Variants in TENM3 observed in about 807,000 individuals in gnomAD.
TENM3 encodes the protein teneurin-3.
A neutral mutation model predicts 255.1 loss-of-function variants in TENM3; 63 were observed. That is an observed-to-expected ratio of 0.25 (90% CI 0.20 to 0.30). The LOEUF (loss-of-function observed/expected upper bound fraction) is 0.30. Among genes scored for constraint, TENM3 ranks in the 10% least tolerant of loss-of-function variants. The pLI, the probability that TENM3 is intolerant of heterozygous loss-of-function variation, is 1.00. For missense variants in TENM3, 2,929 were observed against 3,461.1 expected (o/e 0.85, Z 3.86); for synonymous variants, 1,306 against 1,322.3 (o/e 0.99, Z 0.27).
At chr4:181,978,723 G>C in the TENM3 span, among the ~76,000 whole-genome samples, 2 of 151,246 alleles carry the variant, frequency 1.3e-5, no homozygotes, top group Admixed American at 1.3e-4. Context: ...TTCTGTTCAG[G>C]AGGAAAGAAA....
intron 1 of TENM3, among the ~76,000 whole-genome samples, chr4:182,208,072 T>C (rs912257173): frequency 6.6e-6 from 1 of 152,196 alleles, no homozygotes; most frequent in Non-Finnish European, 1.5e-5. Flanking sequence ...TCCCTTTCTG[T>C]TGTAGATATT....
At chr4:182,465,594 A>G (rs1047031622) in intron 3 of TENM3, among the ~76,000 whole-genome samples, 1 of 152,068 alleles carries the variant, frequency 6.6e-6, no homozygotes, top group African/African-American at 2.4e-5. Context: ...TAAATAAATG[A>G]TTTTACCAAA....
At chr4:182,086,116 G>T in the TENM3 span, among the ~76,000 whole-genome samples, 1 of 152,090 alleles carries the variant, frequency 6.6e-6, no homozygotes, top group Non-Finnish European at 1.5e-5. Context: ...GGGACTATTT[G>T]GATGTCAATA....
At chr4:181,671,362 C>T in the TENM3 span, among the ~76,000 whole-genome samples, 11 of 152,180 alleles carry the variant, frequency 7.2e-5, no homozygotes, top group African/African-American at 2.2e-4. Flanking sequence ...TATTTACTGT[C>T]GCAGAGTACT....
chr4:182,462,085 C>G (rs1732062190), intron 3 of TENM3, among the ~76,000 whole-genome samples: 1 of 144,586 alleles, frequency 6.9e-6, no homozygotes, highest in African/African-American at 2.6e-5. Context: ...TTTTTTTTTC[C>G]AAATTGAGAC....
At chr4:182,620,092 C>T (rs946929948) in intron 4 of TENM3, among the ~76,000 whole-genome samples, 4 of 152,100 alleles carry the variant, frequency 2.6e-5, no homozygotes, top group Non-Finnish European at 5.9e-5. Flanking sequence ...GAATTTTTTA[C>T]GTGTGAGAAG....
the TENM3 span, among the ~76,000 whole-genome samples, chr4:182,015,715 C>T: frequency 6.6e-6 from 1 of 152,014 alleles, no homozygotes; most frequent in Admixed American, 6.6e-5. Flanking sequence ...CATGCACCAC[C>T]ACACCCAGCT....
chr4:181,483,555 T>C, the TENM3 span, among the ~76,000 whole-genome samples: 1 of 152,214 alleles, frequency 6.6e-6, no homozygotes, highest in African/African-American at 2.4e-5. Context: ...GATTTTTTAA[T>C]GACTGATTTA....
At chr4:182,730,731 A>T (rs1760626320) in intron 15 of TENM3, 147 bp from the exon 16 acceptor site, 1 of 935,108 alleles carries the variant, frequency 1.1e-6, no homozygotes, top group African/African-American at 1.7e-5. Flanking sequence ...TAACTCTTGG[A>T]ATATTCCCAT....
chr4:181,854,775 T>C, the TENM3 span, among the ~76,000 whole-genome samples: 1 of 152,220 alleles, frequency 6.6e-6, no homozygotes, highest in Admixed American at 6.5e-5. Flanking sequence ...TTGGTCATCA[T>C]TTATGAAGGA....
chr4:181,609,934 T>C, the TENM3 span, among the ~76,000 whole-genome samples: 1 of 152,208 alleles, frequency 6.6e-6, no homozygotes, highest in Non-Finnish European at 1.5e-5. Context: ...TGAAGAATAA[T>C]ACTGGAACAT....
At chr4:182,069,209 A>G in the TENM3 span, among the ~76,000 whole-genome samples, 1 of 152,226 alleles carries the variant, frequency 6.6e-6, no homozygotes, top group Non-Finnish European at 1.5e-5. Flanking sequence ...AAAAAAGAGA[A>G]TAATAAACAA....
the TENM3 span, among the ~76,000 whole-genome samples, chr4:181,719,675 A>G: frequency 6.6e-6 from 1 of 152,318 alleles, no homozygotes; most frequent in African/African-American, 2.4e-5. Context: ...TAAGGTTAAA[A>G]CATATGAATT....
intron 5 of TENM3, 134 bp downstream of exon 5, chr4:182,629,023 A>T: frequency 1.6e-6 from 1 of 640,996 alleles, no homozygotes; most frequent in Non-Finnish European, 2.7e-6. Flanking sequence ...GTAATAATGT[A>T]TCATAAATCA....
chr4:182,182,566 C>T (rs941773552), intron 1 of TENM3, among the ~76,000 whole-genome samples: 1 of 152,178 alleles, frequency 6.6e-6, no homozygotes, highest in African/African-American at 2.4e-5. Flanking sequence ...TTATATGCAT[C>T]TCTTGATGAT....
the TENM3 span, among the ~76,000 whole-genome samples, chr4:181,669,315 G>T: frequency 4.6e-5 from 7 of 152,104 alleles, no homozygotes; most frequent in Admixed American, 1.3e-4. Context: ...TTTGATGAAG[G>T]GATTCCCAGA....
At chr4:181,878,404 T>C in the TENM3 span, among the ~76,000 whole-genome samples, 2 of 152,104 alleles carry the variant, frequency 1.3e-5, no homozygotes, top group Non-Finnish European at 2.9e-5. Context: ...AAGGATAGTC[T>C]GGTCTATGGT....
the TENM3 span, among the ~76,000 whole-genome samples, chr4:181,938,869 C>T: frequency 2.0e-5 from 3 of 152,152 alleles, no homozygotes; most frequent in Non-Finnish European, 1.5e-5. Flanking sequence ...AATAATCTAT[C>T]AATTTTGTGA....
At chr4:182,317,755 A>G (rs1036489112) in intron 1 of TENM3, among the ~76,000 whole-genome samples, 1 of 151,896 alleles carries the variant, frequency 6.6e-6, no homozygotes, top group Admixed American at 6.6e-5. Context: ...GTACTTAATT[A>G]TTTCAATTTT....
Sources: gnomAD v4.1 joint callset for allele counts (sites outside exome capture counted in the v4.1 genomes callset) on GRCh38, gnomAD v4.1.1 for gene constraint, MANE v1.5 for transcripts, NCBI Gene and HGNC (gene_info 2026-07-23, HGNC 2026-07-21) for gene names.